The following VPS52 variants were observed in gnomAD, a reference collection of about 807,000 sequenced individuals.
VPS52 encodes VPS52 subunit of GARP complex.
VPS52 carries 56 observed loss-of-function variants against 98.7 expected under a neutral mutation model. The observed-to-expected ratio is 0.57, with a 90% CI of 0.46 to 0.71. VPS52 has a LOEUF of 0.71. VPS52 is among the 30% of genes least tolerant of loss of function. The pLI, the probability that VPS52 is intolerant of heterozygous loss-of-function variation, is 0.00. For synonymous variants in VPS52, 348 were observed against 346.4 expected (o/e 1.00, Z -0.05); for missense variants, 742 against 925.9 (o/e 0.80, Z 2.58).
At chr6:33,271,429 C>G in intron 1 of VPS52, 157 bp downstream of exon 1, 1 of 1,084,146 alleles carries the variant, frequency 9.2e-7, no homozygotes, top group South Asian at 1.3e-5. Flanking sequence ...GGGTCCCGCT[C>G]AGGGTCGGGT....
intron 17 of VPS52, among the ~76,000 whole-genome samples, chr6:33,260,636 T>C (rs1763519972): frequency 6.6e-6 from 1 of 152,132 alleles, no homozygotes; most frequent in African/African-American, 2.4e-5. Context: ...TTTTTGTGTG[T>C]GTTCTTGCTT....
intron 17 of VPS52, among the ~76,000 whole-genome samples, chr6:33,262,234 A>C (rs1763721270): frequency 6.6e-6 from 1 of 152,140 alleles, no homozygotes; most frequent in South Asian, 2.1e-4. Flanking sequence ...ATATTTTTCA[A>C]AAGAATACAA....
At chr6:33,270,375 AGCT>A in intron 1 of VPS52, 92 bp from the exon 2 acceptor site, 1 of 1,237,810 alleles carries the variant, frequency 8.1e-7, no homozygotes. Context: ...AGTGAGAAGG[AGCT>A]GCTTTTACTG....
intron 17 of VPS52, among the ~76,000 whole-genome samples, chr6:33,260,937 T>G (rs1347541197): frequency 6.6e-6 from 1 of 151,818 alleles, no homozygotes; most frequent in Non-Finnish European, 1.5e-5. Flanking sequence ...AGGCGGACGT[T>G]GCAGTGAGCT....
At position 33,270,270 on chromosome 6, in the gene VPS52, C is replaced by T; in HGVS notation, c.104G>A (p.Gly35Glu). 3 of 1,611,796 alleles carry T rather than the reference C, an allele frequency of 1.9e-6. No individual in the cohort carries two copies. Among genetic ancestry groups the T allele is most frequent in the South Asian group, 2.2e-5 (2 of 91,046 alleles). Residue 35 changes from glycine to glutamate, a missense_variant, in exon 2 of 20, where the codon GGG becomes GAG. By Grantham distance (98) the Gly-to-Glu change is moderately conservative. Coordinates refer to ENST00000445902, the MANE Select transcript of VPS52 (RefSeq NM_022553.6). The part of the protein sequence containing the change: ...EEEGPLAGGP[G>E]LQEPLQLGEL... ...CCCAAGTTGCAGTGGTTCCTGGAGC[C>T]CAGGACCACCCGCCTGGAAAGGGAT...
chr6:33,251,017 AC>A, intron 19 of VPS52, 30 bp from the exon 20 acceptor site: 1 of 1,612,886 alleles, frequency 6.2e-7, no homozygotes, highest in Non-Finnish European at 8.5e-7. Flanking sequence ...GAGGGATCAA[AC>A]CGTAAAATGG....
chr6:33,252,802 T>C (rs1368813131), intron 17 of VPS52, among the ~76,000 whole-genome samples: 2 of 152,042 alleles, frequency 1.3e-5, no homozygotes, highest in African/African-American at 2.4e-5. Context: ...TTTGAGATAG[T>C]AGGAGATACA....
At chr6:33,251,027 G>A (rs1168335552) in intron 19 of VPS52, 40 bp from the exon 20 acceptor site, 6 of 1,612,472 alleles carry the variant, frequency 3.7e-6, no homozygotes, top group Non-Finnish European at 4.2e-6. Flanking sequence ...ACCGTAAAAT[G>A]GTGCTAATAG....
chr6:33,266,411 G>A, intron 12 of VPS52, 146 bp downstream of exon 12: 4 of 1,053,030 alleles, frequency 3.8e-6, no homozygotes, highest in Non-Finnish European at 4.0e-6. Context: ...GGGATTATGG[G>A]TGTGCACTAC....
Position 33,250,923 on chromosome 6 carries a change from AG to A in VPS52, c.2089del (p.Leu697SerfsTer150). 3 of 1,613,070 alleles carry A rather than the reference AG, an allele frequency of 1.9e-6. No homozygotes were observed. Among genetic ancestry groups the A allele is most frequent in the Non-Finnish European group, 2.5e-6 (3 of 1,180,030 alleles). On this transcript the variant is annotated frameshift_variant, in exon 20 of 20. Coordinates refer to ENST00000445902, the MANE Select transcript of VPS52 (RefSeq NM_022553.6). LOFTEE classifies it high-confidence loss of function. ...RFHRVLSQPQLRALPARAELI... is the reference protein window; with the variant it reads ...RFHRVLSQPQXRALPARAELI... ...CTCAGCCCGGGCAGGGAGGGCTCGG[AG>A]CTGCGGCTGGGACAGCACCCGGTGG... is the stretch of plus-strand genomic sequence containing the variant.
chr6:33,268,565 C>A lies in VPS52; in HGVS notation c.633G>T (p.Glu211Asp). Residue 211 changes from glutamate to aspartate, a missense_variant, in exon 7 of 20, where the codon GAG becomes GAT. Glu to Asp is a conservative substitution (Grantham distance 45, BLOSUM62 2). Transcript: ENST00000445902. This position sits in a 1 kb window ranked among gnomAD's most constrained non-coding sequence, Gnocchi z 4.0. ...ELDAKAAAVR[E>D]QEARGTAACA... is the part of the protein sequence containing the mutation. Reference sequence around the variant, plus strand: ...AGGCTGCTGTGCCTCTAGCTTCCTGCTCTCTGACTGCGGCTGCCTTGGCAT... The same window carrying A: ...AGGCTGCTGTGCCTCTAGCTTCCTGATCTCTGACTGCGGCTGCCTTGGCAT... The A allele has an allele frequency of 6.2e-7, 1 of 1,612,682 alleles. No homozygotes were observed. The highest frequency in any genetic ancestry group is 8.5e-7 in the Non-Finnish European group (1 of 1,179,988).
Position 33,270,215 on chromosome 6 carries a change from G to A in VPS52, c.159C>T (p.Ile53=), listed in dbSNP as rs1202515284. The part of the protein sequence containing the change: ...GELDITSDEF[I]LDEVDVHIQA... ...ATCGCTTACCATCCACTTCATCCAG[G>A]ATGAATTCATCAGAAGTGATATCCA... The change falls in exon 2 of 20, where the codon ATC becomes ATT. Residue 53 remains isoleucine (I), a synonymous_variant. Transcript: ENST00000445902. 2 of 1,613,314 alleles carry A rather than the reference G, an allele frequency of 1.2e-6. No individual in the cohort carries two copies. Among genetic ancestry groups the A allele is most frequent in the Non-Finnish European group, 1.7e-6 (2 of 1,179,454 alleles).
intron 5 of VPS52, 54 bp downstream of exon 5, chr6:33,269,436 G>A (rs999828129): frequency 6.2e-7 from 1 of 1,602,392 alleles, no homozygotes; most frequent in Non-Finnish European, 8.5e-7. Context: ...TGGCACCAGA[G>A]TCCATGATCT....
At chr6:33,269,417 A>G in intron 5 of VPS52, 73 bp downstream of exon 5, 1 of 1,588,382 alleles carries the variant, frequency 6.3e-7, no homozygotes, top group Non-Finnish European at 8.6e-7. Context: ...GAGGCTGATG[A>G]CCTAAAAATG....
chr6:33,255,456 G>A (rs1208810710), intron 17 of VPS52, among the ~76,000 whole-genome samples: 3 of 133,498 alleles, frequency 2.2e-5, no homozygotes, highest in East Asian at 4.6e-4. Context: ...ATGCCACTAC[G>A]CCTGGCTTTT....
chr6:33,270,950 CAAAA>C (rs9280391), intron 1 of VPS52, among the ~76,000 whole-genome samples: 24 of 84,670 alleles, frequency 2.8e-4, no homozygotes, highest in South Asian at 9.8e-4. Context: ...GACTCCGTCT[CAAAA>C]AAAAAAAAAA....
At position 33,251,671 on chromosome 6, in the gene VPS52, C is replaced by G. The variant is rs1762260383; in HGVS notation, c.1907-35G>C. 2.6e-6 allele frequency: 4 copies of G among 1,552,330 alleles called. 1 individual carries two copies. In the South Asian group the frequency reaches 3.4e-5, roughly 13 times the overall value. On this transcript the variant is annotated intron_variant, in intron 18 of 19. Coordinates refer to ENST00000445902, the MANE Select transcript of VPS52 (RefSeq NM_022553.6). Reference sequence around the variant, plus strand: ...GGAGGAAACAGTGTCAGAGAGGGATCTGGCTGATCTTCAACTCCACTAAGT... The same window carrying G: ...GGAGGAAACAGTGTCAGAGAGGGATGTGGCTGATCTTCAACTCCACTAAGT...
chr6:33,255,794 T>TAAA lies in VPS52; in HGVS notation c.1795-3826_1795-3824dup, dbSNP rs35038222. Among the ~76,000 whole-genome samples, 4 of 97,956 alleles carry TAAA rather than the reference T, an allele frequency of 4.1e-5. 1 individual carries two copies. Among genetic ancestry groups the TAAA allele is most frequent in the African/African-American group, 8.1e-5 (2 of 24,708 alleles). 64.3% of individuals were successfully genotyped at this position (97,956 alleles called of 152,430 possible). A position where few individuals can be genotyped will look rare whatever the true frequency, so the allele number is the denominator to read the frequency against. On this transcript the variant is annotated intron_variant, in intron 17 of 19. Coordinates refer to ENST00000445902, the MANE Select transcript of VPS52 (RefSeq NM_022553.6). The stretch of plus-strand genomic sequence containing the variant: ...CTGGGAGACAGAGGGAGACTCTGTC[T>TAAA]AAAAAAAAAAAAAAAAAAAAGAAAT...
intron 12 of VPS52, among the ~76,000 whole-genome samples, chr6:33,265,592 G>A (rs1429009636): frequency 6.6e-6 from 1 of 151,944 alleles, no homozygotes; most frequent in East Asian, 1.9e-4. Flanking sequence ...GGCTGGTCTC[G>A]AACTCCTGGC....
Sources: gnomAD v4.1 joint callset for allele counts (sites outside exome capture counted in the v4.1 genomes callset) on GRCh38, gnomAD v4.1.1 for gene constraint, Gnocchi (gnomAD v3.1) non-coding constraint, MANE v1.5 for transcripts, NCBI Gene and HGNC (gene_info 2026-07-23, HGNC 2026-07-21) for gene names.